The following ULK4 variants were observed in gnomAD, a reference collection of about 807,000 sequenced individuals.
The protein encoded by ULK4 is inactive serine/threonine-protein kinase ULK4.
Under a neutral mutation model 160.6 loss-of-function variants are expected in ULK4, and 133 were observed. The ratio of observed to expected loss-of-function variants is 0.83; its 90% confidence interval spans 0.72 to 0.96. The LOEUF (loss-of-function observed/expected upper bound fraction) is 0.96, where lower values mean the gene tolerates loss of function less well. ULK4 is among the 40% of genes least tolerant of loss of function. The probability of loss-of-function intolerance (pLI) is 0.00; values close to 1 mark genes in which losing one functional copy is unlikely to be tolerated. For missense variants in ULK4, 1,580 were observed against 1,499.5 expected (o/e 1.05, Z -0.89); for synonymous variants, 534 against 539.8 (o/e 0.99, Z 0.15).
chr3:41,330,911 C>A (rs1205378761), intron 35 of ULK4, among the ~76,000 whole-genome samples: 1 of 152,148 alleles, frequency 6.6e-6, no homozygotes, highest in Non-Finnish European at 1.5e-5. Context: ...CTCTGCCAGT[C>A]TCTACTGGGT....
intron 32 of ULK4, among the ~76,000 whole-genome samples, chr3:41,505,523 T>C (rs2085345441): frequency 3.3e-5 from 5 of 152,202 alleles, no homozygotes. Context: ...TATGTTTTGT[T>C]CATTAGATTT....
chr3:41,747,156 AC>A (rs1433921493), intron 22 of ULK4, among the ~76,000 whole-genome samples: 2 of 152,106 alleles, frequency 1.3e-5, no homozygotes, highest in Non-Finnish European at 2.9e-5. Context: ...GATAAAGTGA[AC>A]CCATTAAAAT....
chr3:41,505,917 T>C (rs1021790132), intron 32 of ULK4, among the ~76,000 whole-genome samples: 2 of 152,188 alleles, frequency 1.3e-5, no homozygotes, highest in Non-Finnish European at 2.9e-5. Context: ...TTCAATCTTC[T>C]ATTAAATATG....
At position 41,801,532 on chromosome 3, in the gene ULK4, T is replaced by TAA. The variant is rs113457882; in HGVS notation, c.1849-1241_1849-1240dup. On this transcript the variant is annotated intron_variant, in intron 19 of 36. Coordinates refer to ENST00000301831, the MANE Select transcript of ULK4 (RefSeq NM_017886.4). Reference sequence around the variant, plus strand: ...AAGGTACATCATAATCAGACTGCTTTAAAAAAAAAAAAAGGAATAAAGAGA... The same window carrying TAA: ...AAGGTACATCATAATCAGACTGCTTTAAAAAAAAAAAAAAAGGAATAAAGAGA... 3.2e-3 allele frequency among the ~76,000 whole-genome samples: 455 copies of TAA among 142,838 alleles called. 2 individuals are homozygous for TAA. The highest frequency in any genetic ancestry group is 0.01 in the African/African-American group (393 of 39,116). 93.7% of individuals were successfully genotyped at this position (142,838 alleles called of 152,430 possible).
At chr3:41,894,021 T>C (rs1425109086) in intron 16 of ULK4, among the ~76,000 whole-genome samples, 1 of 152,110 alleles carries the variant, frequency 6.6e-6, no homozygotes, top group Non-Finnish European at 1.5e-5. Flanking sequence ...TTATTCAAAT[T>C]AAAACTGTTT....
At chr3:41,759,116 T>C (rs1025877678) in intron 21 of ULK4, among the ~76,000 whole-genome samples, 3 of 152,138 alleles carry the variant, frequency 2.0e-5, no homozygotes, top group Admixed American at 2.0e-4. Context: ...CCCCAGAAAC[T>C]GGGAAGAAAG....
intron 34 of ULK4, among the ~76,000 whole-genome samples, chr3:41,404,660 C>A (rs1286989551): frequency 6.6e-6 from 1 of 152,094 alleles, no homozygotes; most frequent in Non-Finnish European, 1.5e-5. Context: ...TTAATTCTGC[C>A]ACAGAGGGAG....
At position 41,563,757 on chromosome 3, in the gene ULK4, G is replaced by C. The variant is rs144911727; in HGVS notation, c.3226+2268C>G. ...CACTGTTTATTCTAGTTAGCCATTC[G>C]TCTAAACTTTTTTCAAGGTTTTTAG... is the stretch of plus-strand genomic sequence containing the variant. On this transcript the variant is annotated intron_variant, in intron 32 of 36. Transcript: ENST00000301831. 7.5e-3 allele frequency among the ~76,000 whole-genome samples: 1,137 copies of C among 152,124 alleles called. 14 individuals carry two copies. Among genetic ancestry groups the C allele is most frequent in the African/African-American group, 0.027 (1,102 of 41,498 alleles).
chr3:41,819,293 G>T, intron 19 of ULK4, 130 bp downstream of exon 19: 1 of 767,442 alleles, frequency 1.3e-6, no homozygotes, highest in Non-Finnish European at 2.0e-6. Context: ...TAGGTTGTCG[G>T]GATTATTTAA....
chr3:41,344,752 C>CAAAAAAAAAAAAAAAAAAAAAAA (rs59466358), intron 35 of ULK4, among the ~76,000 whole-genome samples: 1 of 62,820 alleles, frequency 1.6e-5, no homozygotes. Context: ...GACTCTGTCT[C>CAAAAAAAAAAAAAAAAAAAAAAA]AAAAAAAAAA....
At chr3:41,880,901 C>T (rs534725884) in intron 17 of ULK4, among the ~76,000 whole-genome samples, 92 of 152,028 alleles carry the variant, frequency 6.1e-4, no homozygotes, top group African/African-American at 2.2e-3. Flanking sequence ...ACAGCCTGGG[C>T]AACAGAGCGA....
At chr3:41,436,590 A>G (rs2083043123) in intron 34 of ULK4, among the ~76,000 whole-genome samples, 1 of 152,198 alleles carries the variant, frequency 6.6e-6, no homozygotes, top group African/African-American at 2.4e-5. Flanking sequence ...TCTCAAATGA[A>G]CAGGATGAAA....
chr3:41,416,352 G>T (rs1196065732), intron 34 of ULK4, among the ~76,000 whole-genome samples: 1 of 152,080 alleles, frequency 6.6e-6, no homozygotes. Context: ...ACCACCACAG[G>T]TCCTCATTAC....
chr3:41,323,391 A>AACACACACACACACACAC (rs34357899), intron 35 of ULK4, among the ~76,000 whole-genome samples: 7 of 120,266 alleles, frequency 5.8e-5, no homozygotes, highest in Admixed American at 1.8e-4. Flanking sequence ...CCTGAACAAT[A>AACACACACACACACACAC]ACACACACAC....
intron 27 of ULK4, among the ~76,000 whole-genome samples, chr3:41,698,269 T>G (rs1266278500): frequency 1.3e-5 from 2 of 152,200 alleles, no homozygotes; most frequent in Non-Finnish European, 2.9e-5. Context: ...ATCTAAAATC[T>G]GAAATGCTCT....
chr3:41,824,674 G>C (rs530925949), intron 18 of ULK4, among the ~76,000 whole-genome samples: 3 of 152,134 alleles, frequency 2.0e-5, no homozygotes, highest in African/African-American at 7.2e-5. Context: ...CAGGAAGCTC[G>C]AACTGGGTGG....
rs534062196 is a variant in ULK4 at position 41,383,647 on chromosome 3, T to A, written c.3678+14432A>T. Among the ~76,000 whole-genome samples, 40 of 152,306 alleles carry A rather than the reference T, an allele frequency of 2.6e-4. No individual in the cohort carries two copies. In the South Asian group the frequency reaches 5.6e-3, roughly 21 times the overall value. On this transcript the variant is annotated intron_variant, in intron 35 of 36. Coordinates refer to ENST00000301831, the MANE Select transcript of ULK4 (RefSeq NM_017886.4). ...GAACCAGATAATAATTCCCTTTAAA[T>A]GGAAATATTCAGGGATTGAATAAAT...
At chr3:41,548,552 C>A (rs1285733383) in intron 32 of ULK4, among the ~76,000 whole-genome samples, 1 of 152,104 alleles carries the variant, frequency 6.6e-6, no homozygotes, top group East Asian at 1.9e-4. Context: ...CGCAGAACAT[C>A]ATTACCACTG....
intron 17 of ULK4, among the ~76,000 whole-genome samples, chr3:41,841,462 G>C (rs553302687): frequency 3.4e-5 from 5 of 148,148 alleles, no homozygotes; most frequent in Non-Finnish European, 6.0e-5. Flanking sequence ...CGGCCGCCCC[G>C]TCTGGGAGGT....
Sources: allele counts gnomAD v4.1 joint callset (sites outside exome capture counted in the v4.1 genomes callset), GRCh38; gene constraint gnomAD v4.1.1; transcripts MANE v1.5; gene names NCBI Gene and HGNC (gene_info 2026-07-23, HGNC 2026-07-21).